ARL10: variants seen among roughly 807,000 people sequenced by gnomAD.
ARL10 encodes the protein ARF like GTPase 10.
ARL10 carries 23 observed loss-of-function variants against 26.1 expected under a neutral mutation model. The ratio of observed to expected loss-of-function variants is 0.88; its 90% CI spans 0.63 to 1.25. The LOEUF is 1.25. ARL10 is among the 50% of genes most tolerant of loss of function. The pLI is 0.00. For missense variants in ARL10, 300 were observed against 323.6 expected (o/e 0.93, Z 0.56); for synonymous variants, 138 against 149.1 (o/e 0.93, Z 0.54).
At chr5:176,367,929 C>T (rs761741965) in intron 2 of ARL10, 2 of 531,626 alleles carry the variant, frequency 3.8e-6, no homozygotes, top group East Asian at 5.4e-5. Context: ...TTGCCTTGCT[C>T]ACCTCTGTAT....
chr5:176,386,777 G>C, downstream of ARL10: 1 of 1,419,676 alleles, frequency 7.0e-7, no homozygotes, highest in African/African-American at 1.4e-5. Flanking sequence ...GACATCTTAG[G>C]GCCCTTCCCA....
downstream of ARL10, chr5:176,392,701 C>T (rs1756310749): frequency 6.4e-7 from 1 of 1,555,112 alleles, no homozygotes; most frequent in Admixed American, 1.7e-5. This position sits in a 1 kb window ranked among gnomAD's most constrained non-coding sequence, Gnocchi z 5.2. Context: ...CGAGTCTCCA[C>T]CCCGACCAAA....
At chr5:176,390,106 C>T (rs559100136), downstream of ARL10, among the ~76,000 whole-genome samples, 13 of 143,540 alleles carry the variant, frequency 9.1e-5, no homozygotes, top group African/African-American at 3.1e-4. Flanking sequence ...CACTTGAACC[C>T]GGGAGGCGGA....
In ARL10 at chr5:176,375,266, A is replaced by T. The variant is rs1305688140; in HGVS notation, c.*3371A>T. 3 of 129,998 alleles carry T rather than the reference A, an allele frequency of 2.3e-5. No homozygotes were observed. The highest frequency in any genetic ancestry group is 6.2e-5 in the African/African-American group (2 of 32,296). The allele number at this position is 129,998 out of a possible 1,614,324, so 8.1% of individuals were successfully genotyped here. A position where few individuals can be genotyped will look rare whatever the true frequency, so the allele number is the denominator to read the frequency against. ...CATCCATCCTTCCATCCATCCACCC[A>T]TCCACCCATCCATCCATCCACCCAT... On this transcript the variant is annotated 3_prime_UTR_variant, in exon 4 of 4. Coordinates refer to ENST00000310389, the MANE Select transcript of ARL10 (RefSeq NM_173664.6).
chr5:176,388,152 G>T, intron 1 of ARL10: 2 of 1,018,134 alleles, frequency 2.0e-6, no homozygotes, highest in Non-Finnish European at 3.0e-6. Context: ...GAAGGAATGG[G>T]CAGTACCACG....
Position 176,378,495 on chromosome 5 carries a change from C to T in ARL10, c.*6600C>T, listed in dbSNP as rs150349734. On this transcript the variant is annotated 3_prime_UTR_variant, in exon 4 of 4. Transcript: ENST00000310389. The stretch of plus-strand genomic sequence containing the variant: ...TAGGGGCTCCACTAGAAGTGAGAAA[C>T]CCTCTTTGTTTCCATAACATGCCAA... The T allele has an allele frequency of 1.0e-3, 157 of 152,332 alleles. No homozygotes were observed. The highest frequency in any genetic ancestry group is 3.7e-3 in the African/African-American group (153 of 41,574). 9.4% of individuals were successfully genotyped at this position (152,332 alleles called of 1,614,324 possible).
intron 3 of ARL10, 119 bp downstream of exon 3, chr5:176,369,101 A>G (rs776082465): frequency 2.0e-6 from 3 of 1,537,006 alleles, no homozygotes; most frequent in African/African-American, 1.4e-5. Context: ...TGCTGCCCCC[A>G]CCTCTTCTAC....
At chr5:176,410,158 C>A in the ARL10 span, 1 of 1,061,364 alleles carries the variant, frequency 9.4e-7, no homozygotes, top group East Asian at 2.4e-5. Flanking sequence ...ACATAATGAA[C>A]AGGAGAACCT....
rs1768566657 is a variant in ARL10 at position 176,372,156 on chromosome 5, G to A, written c.*261G>A. 51 of 1,223,940 alleles carry A rather than the reference G, an allele frequency of 4.2e-5. No homozygotes were observed. The South Asian group carries it at 8.4e-4, about 20-fold the overall frequency. 75.8% of individuals were successfully genotyped at this position (1,223,940 alleles called of 1,614,324 possible). ...TCTGGCTCATTCCAGGCTGGAATGT[G>A]GATCCAGCTTTCCCTTCTCTTACCT... On this transcript the variant is annotated 3_prime_UTR_variant, in exon 4 of 4. Coordinates refer to ENST00000310389, the MANE Select transcript of ARL10 (RefSeq NM_173664.6).
Position 176,399,577 on chromosome 5 carries a change from A to G in ARL10, c.134-2164A>G, listed in dbSNP as rs553510862. Among the ~76,000 whole-genome samples, 328 of 152,068 alleles carry G rather than the reference A, an allele frequency of 2.2e-3. 2 individuals carry two copies. Among genetic ancestry groups the G allele is most frequent in the African/African-American group, 7.2e-3 (300 of 41,486 alleles). ...GGCAACACAGCAAGAGTCTGTCACT[A>G]TTTTCAAAAAAGTTTTTTTAATTAT... On this transcript the variant is annotated intron_variant, in intron 1 of 1. Transcript: ENST00000514533.
At chr5:176,385,316 C>A (rs776304308), downstream of ARL10, 3 of 1,604,686 alleles carry the variant, frequency 1.9e-6, no homozygotes, top group South Asian at 3.3e-5. Flanking sequence ...AGGCTGGCTT[C>A]TGCCTCCAGG....
rs1228915754 is a variant in ARL10 at position 176,366,260 on chromosome 5, T to C, written c.184-120T>C. ...GCGTTCGTCCCACTCATCCAGACCA[T>C]GCCTGCCTGTCCCAGGACGGGTGGA... On this transcript the variant is annotated intron_variant, in intron 1 of 3. Transcript: ENST00000310389. The C allele has an allele frequency of 2.4e-6, 3 of 1,230,944 alleles. No homozygotes were observed. In the East Asian group the frequency reaches 7.6e-5, roughly 31 times the overall value. 76.3% of individuals were successfully genotyped at this position (1,230,944 alleles called of 1,614,324 possible).
Position 176,372,197 on chromosome 5 carries a change from C to T in ARL10, c.*302C>T, listed in dbSNP as rs563930368. The T allele has an allele frequency of 4.1e-5, 31 of 756,406 alleles. No individual in the cohort carries two copies. In the East Asian group the frequency reaches 1.1e-3, roughly 28 times the overall value. The allele number at this position is 756,406 out of a possible 1,614,324, so 46.9% of individuals were successfully genotyped here. ...TCTCTTACCTGTACAGTGAGATGCT[C>T]AGTGGGCTCAATCCTCCACTACAGG... On this transcript the variant is annotated 3_prime_UTR_variant, in exon 4 of 4. Transcript: ENST00000310389.
intron 1 of ARL10, among the ~76,000 whole-genome samples, chr5:176,398,284 G>A (rs1256742269): frequency 1.3e-5 from 2 of 152,160 alleles, no homozygotes; most frequent in African/African-American, 4.8e-5. Context: ...ATTGCCTCTG[G>A]CCCAGTTATA....
chr5:176,396,030 G>A (rs1756505561), intron 1 of ARL10, among the ~76,000 whole-genome samples: 1 of 152,162 alleles, frequency 6.6e-6, no homozygotes. Flanking sequence ...AGCTACTCGG[G>A]AGGCTGAGGC....
chr5:176,399,744 A>G (rs1262309745), intron 1 of ARL10, among the ~76,000 whole-genome samples: 1 of 149,842 alleles, frequency 6.7e-6, no homozygotes, highest in Non-Finnish European at 1.5e-5. Context: ...AAATACAAAA[A>G]ATTAGCCAGG....
the ARL10 span, among the ~76,000 whole-genome samples, chr5:176,407,810 A>G: frequency 6.6e-6 from 1 of 152,196 alleles, no homozygotes; most frequent in Non-Finnish European, 1.5e-5. Context: ...CTGAAGTCCT[A>G]GAGATGGACT....
downstream of ARL10, chr5:176,389,874 C>T (rs780191182): frequency 5.3e-5 from 9 of 170,656 alleles, no homozygotes; most frequent in Admixed American, 2.4e-4. Context: ...GTAACAGCCA[C>T]CCAGGGCACT....
chr5:176,389,235 TC>T, downstream of ARL10: 1 of 1,423,316 alleles, frequency 7.0e-7, no homozygotes, highest in South Asian at 1.3e-5. Flanking sequence ...TCCGCTGTGA[TC>T]CAGAGATCTT....
Sources: allele counts gnomAD v4.1 joint callset (sites outside exome capture counted in the v4.1 genomes callset), GRCh38; gene constraint gnomAD v4.1.1; non-coding constraint Gnocchi (gnomAD v3.1); transcripts MANE v1.5; gene names NCBI Gene and HGNC (gene_info 2026-07-23, HGNC 2026-07-21).